The following MPHOSPH8 variants were observed in gnomAD, a reference collection of about 807,000 sequenced individuals.
The protein encoded by MPHOSPH8 is M-phase phosphoprotein 8.
Under a neutral mutation model 87.3 loss-of-function variants are expected in MPHOSPH8, and 45 were observed. The ratio of observed to expected loss-of-function variants is 0.52; its 90% confidence interval spans 0.41 to 0.66. The LOEUF is 0.66. Ranked by LOEUF, MPHOSPH8 falls within the 30% of genes least tolerant of loss-of-function variation. MPHOSPH8 has a pLI of 0.00. For missense variants in MPHOSPH8, 883 were observed against 1,020.2 expected (o/e 0.87, Z 1.83); for synonymous variants, 366 against 376.9 (o/e 0.97, Z 0.33).
At chr13:19,641,228 C>T (rs1441125046) in intron 1 of MPHOSPH8, among the ~76,000 whole-genome samples, 3 of 152,118 alleles carry the variant, frequency 2.0e-5, no homozygotes, top group Admixed American at 6.6e-5. Context: ...TATCTTGGCT[C>T]ACTGCAACCT....
chr13:19,671,811 C>T, intron 13 of MPHOSPH8, 23 bp from the exon 14 acceptor site: 1 of 1,613,094 alleles, frequency 6.2e-7, no homozygotes, highest in Non-Finnish European at 8.5e-7. Context: ...TGTACTGACA[C>T]CTGCGTTCTT....
At chr13:19,639,976 CCCACCTGTAATCT>C (rs1244289401) in intron 1 of MPHOSPH8, among the ~76,000 whole-genome samples, 1 of 152,078 alleles carries the variant, frequency 6.6e-6, no homozygotes, top group African/African-American at 2.4e-5. Flanking sequence ...CATGGTGGTG[CCCACCTGTAATCT>C]CAGCTACTTG....
Position 19,646,907 on chromosome 13 carries a change from C to T in MPHOSPH8, c.834C>T (p.Asp278=). The change falls in exon 3 of 14, where the codon GAC becomes GAT. Residue 278 remains aspartate (D), a synonymous_variant. Transcript: ENST00000361479. ...VLNDSPFPED[D]SEGLHSDSRE... ...ATGATTCTCCCTTTCCAGAGGATGA[C>T]AGTGAAGGGCTACATTCCGACAGCA... is the stretch of plus-strand genomic sequence containing the variant. 1 of 1,603,632 alleles carries T rather than the reference C, an allele frequency of 6.2e-7. No individual in the cohort carries two copies.
intron 5 of MPHOSPH8, among the ~76,000 whole-genome samples, chr13:19,652,262 G>A (rs968859133): frequency 6.6e-6 from 1 of 152,148 alleles, no homozygotes; most frequent in Non-Finnish European, 1.5e-5. Flanking sequence ...TTGGACAGTG[G>A]GTGCAGCCCA....
chr13:19,641,280 A>C (rs1874272279), intron 1 of MPHOSPH8, among the ~76,000 whole-genome samples: 1 of 150,570 alleles, frequency 6.6e-6, no homozygotes, highest in Non-Finnish European at 1.5e-5. Context: ...TCAGCCTCCT[A>C]AGTAACTTGG....
chr13:19,663,611 G>A (rs1299184769), intron 9 of MPHOSPH8, among the ~76,000 whole-genome samples: 3 of 152,316 alleles, frequency 2.0e-5, no homozygotes, highest in African/African-American at 4.8e-5. Flanking sequence ...GTTCTGGAAC[G>A]TGGTTTGCAG....
At chr13:19,648,363 A>G in intron 3 of MPHOSPH8, 59 bp from the exon 4 acceptor site, 1 of 1,130,988 alleles carries the variant, frequency 8.8e-7, no homozygotes, top group Non-Finnish European at 1.3e-6. Context: ...CGGTTCTCAA[A>G]TAAATTTACA....
chr13:19,660,691 A>G (rs1039791417), intron 7 of MPHOSPH8, among the ~76,000 whole-genome samples: 1 of 152,008 alleles, frequency 6.6e-6, no homozygotes, highest in African/African-American at 2.4e-5. Flanking sequence ...ATGTATGCCT[A>G]TATGTTTTAT....
intron 10 of MPHOSPH8, 140 bp downstream of exon 10, chr13:19,666,719 A>G: frequency 1.5e-6 from 1 of 659,644 alleles, no homozygotes. Context: ...TTTCCAGTAG[A>G]TCACAGATTT....
intron 12 of MPHOSPH8, chr13:19,670,958 T>A (rs1565945686): frequency 9.6e-7 from 1 of 1,040,688 alleles, no homozygotes; most frequent in Non-Finnish European, 1.3e-6. Flanking sequence ...TACCTGGGAC[T>A]AAAAATGCAC....
chr13:19,670,852 T>C, intron 12 of MPHOSPH8: 1 of 1,152,566 alleles, frequency 8.7e-7, no homozygotes, highest in Non-Finnish European at 1.1e-6. Context: ...AGGGTCTCGC[T>C]CTGTTGTCCA....
chr13:19,635,303 G>C (rs896425155), intron 1 of MPHOSPH8, among the ~76,000 whole-genome samples: 2 of 152,136 alleles, frequency 1.3e-5, no homozygotes, highest in African/African-American at 2.4e-5. Context: ...GACGGATCAC[G>C]AGGTCAGGGG....
chr13:19,654,921 C>G (rs2137524680), intron 5 of MPHOSPH8, among the ~76,000 whole-genome samples: 1 of 151,872 alleles, frequency 6.6e-6, no homozygotes, highest in Admixed American at 6.6e-5. Flanking sequence ...GCAATCCAGT[C>G]TGGGCAACAA....
At chr13:19,647,409 T>C in intron 3 of MPHOSPH8, 118 bp downstream of exon 3, 2 of 830,616 alleles carry the variant, frequency 2.4e-6, no homozygotes, top group Non-Finnish European at 3.6e-6. Flanking sequence ...CGGTCATAAA[T>C]GAAGATCCTC....
rs761005097 is a variant in MPHOSPH8, at chr13:19,647,076, C to G, written c.1003C>G (p.Pro335Ala). 59 of 1,606,772 alleles carry G rather than the reference C, an allele frequency of 3.7e-5. No individual in the cohort carries two copies. The highest frequency in any genetic ancestry group is 6.8e-6 in the Non-Finnish European group (8 of 1,178,314). ...CAGAGGCAGGAGGAAAAAGAAGACCCCGAGAAAGGCTGAGGACACTAGAGA... is the reference window on the plus strand; with the variant it reads ...CAGAGGCAGGAGGAAAAAGAAGACCGCGAGAAAGGCTGAGGACACTAGAGA... ...DVRGRRKKKT[P>A]RKAEDTRENR... The change falls in exon 3 of 14, where the codon CCG becomes GCG. Residue 335 changes from proline to alanine, a missense_variant. Transcript: ENST00000361479.
chr13:19,648,654 T>C (rs1874695256), intron 4 of MPHOSPH8, 133 bp downstream of exon 4: 2 of 323,494 alleles, frequency 6.2e-6, no homozygotes, highest in Admixed American at 4.9e-5. Flanking sequence ...CTTTTTAATA[T>C]GATGAGGGAT....
chr13:19,642,391 A>C, intron 2 of MPHOSPH8, 121 bp downstream of exon 2: 1 of 865,820 alleles, frequency 1.2e-6, no homozygotes, highest in Non-Finnish European at 1.6e-6. Context: ...TTTAGTGTAA[A>C]TTCCATGTAG....
intron 3 of MPHOSPH8, among the ~76,000 whole-genome samples, chr13:19,648,076 AG>A: frequency 6.6e-6 from 1 of 152,272 alleles, no homozygotes; most frequent in African/African-American, 2.4e-5. Flanking sequence ...TAAAAGTACG[AG>A]GACCAGAAGG....
intron 4 of MPHOSPH8, 49 bp from the exon 5 acceptor site, chr13:19,649,954 C>G: frequency 7.1e-7 from 1 of 1,414,866 alleles, no homozygotes; most frequent in Non-Finnish European, 9.6e-7. Context: ...TTGAATGTAA[C>G]AGAAATTTGT....
Sources: allele counts gnomAD v4.1 joint callset (sites outside exome capture counted in the v4.1 genomes callset), GRCh38; gene constraint gnomAD v4.1.1; transcripts MANE v1.5; gene names NCBI Gene and HGNC (gene_info 2026-07-23, HGNC 2026-07-21).